FIP1L1: variants seen among roughly 807,000 people sequenced by gnomAD.
The protein encoded by FIP1L1 is factor interacting with PAPOLA and CPSF1, also known as pre-mRNA 3'-end-processing factor FIP1.
A neutral mutation model predicts 84.6 loss-of-function variants in FIP1L1; 21 were observed. That is an observed-to-expected ratio of 0.25 (90% CI 0.18 to 0.36). The LOEUF (loss-of-function observed/expected upper bound fraction) is 0.36, where lower values mean the gene tolerates loss of function less well. FIP1L1 is among the 10% of genes least tolerant of loss of function. The pLI is 1.00. For synonymous variants in FIP1L1, 263 were observed against 242.3 expected (o/e 1.09, Z -0.80); for missense variants, 526 against 751.1 (o/e 0.70, Z 3.50).
At chr4:53,417,829 T>C (rs1760519619) in intron 11 of FIP1L1, among the ~76,000 whole-genome samples, 1 of 143,518 alleles carries the variant, frequency 7.0e-6, no homozygotes, top group African/African-American at 2.6e-5. Context: ...TCAGGCTACT[T>C]TTTCTCTTTT....
At chr4:53,382,869 T>C (rs569550375) in intron 4 of FIP1L1, among the ~76,000 whole-genome samples, 15 of 152,218 alleles carry the variant, frequency 9.9e-5, no homozygotes, top group African/African-American at 3.4e-4. Context: ...TTATTTACTA[T>C]GATGTGATTA....
chr4:53,437,159 T>A (rs537004471), intron 13 of FIP1L1, among the ~76,000 whole-genome samples: 30 of 151,896 alleles, frequency 2.0e-4, no homozygotes, highest in Non-Finnish European at 3.4e-4. Flanking sequence ...AAACCCTGTC[T>A]CCACAAAAAA....
intron 11 of FIP1L1, among the ~76,000 whole-genome samples, chr4:53,421,115 T>A (rs1762239031): frequency 6.6e-6 from 1 of 152,182 alleles, no homozygotes; most frequent in African/African-American, 2.4e-5. Context: ...ATTTAGAGCC[T>A]TGATTCTGGG....
At chr4:53,391,599 C>T (rs551240543) in intron 9 of FIP1L1, 101 bp downstream of exon 9, 2 of 803,860 alleles carry the variant, frequency 2.5e-6, no homozygotes, top group African/African-American at 1.7e-5. Context: ...AAATAGCTAC[C>T]TTTTTTCCAA....
chr4:53,431,217 T>TA (rs1192866817), intron 13 of FIP1L1, among the ~76,000 whole-genome samples: 6 of 152,222 alleles, frequency 3.9e-5, no homozygotes, highest in African/African-American at 1.2e-4. Context: ...GCTGCATAGA[T>TA]ATATGCCAGC....
At chr4:53,450,169 T>C (rs1018681969) in intron 15 of FIP1L1, among the ~76,000 whole-genome samples, 15 of 152,172 alleles carry the variant, frequency 9.9e-5, no homozygotes, top group Non-Finnish European at 1.5e-5. Flanking sequence ...TCTTTTCTAA[T>C]GTAGTATTTT....
chr4:53,399,797 C>G lies in FIP1L1; in HGVS notation c.773C>G (p.Thr258Ser). 2 of 1,613,128 alleles carry G rather than the reference C, an allele frequency of 1.2e-6. No individual in the cohort carries two copies. The highest frequency in any genetic ancestry group is 2.7e-5 in the African/African-American group (2 of 74,828). Reference protein sequence around the residue: ...TALPSTKAEFTSPPSLFKTGL... With the variant: ...TALPSTKAEFSSPPSLFKTGL... ...CTTCCATCTACAAAAGCTGAGTTTA[C>G]TTCTCCTCCTTCTTTGTTCAAGACT... The change falls in exon 10 of 18, where the codon ACT becomes AGT. Residue 258 changes from threonine to serine, a missense_variant. By Grantham distance (58) the Thr-to-Ser change is moderately conservative (BLOSUM62 1). Transcript: ENST00000337488.
chr4:53,399,057 G>A (rs1748904235), intron 9 of FIP1L1, among the ~76,000 whole-genome samples: 1 of 152,158 alleles, frequency 6.6e-6, no homozygotes, highest in Admixed American at 6.6e-5. Context: ...GGGCTGTGAG[G>A]CAAGAGAATC....
At chr4:53,414,838 G>T in intron 11 of FIP1L1, 116 bp downstream of exon 11, 1 of 652,008 alleles carries the variant, frequency 1.5e-6, no homozygotes, top group Non-Finnish European at 2.6e-6. Flanking sequence ...TCCAACTTAT[G>T]CTTTTTCAGG....
chr4:53,427,133 G>GAAAT (rs1764650511), intron 12 of FIP1L1, among the ~76,000 whole-genome samples: 1 of 152,048 alleles, frequency 6.6e-6, no homozygotes, highest in Non-Finnish European at 1.5e-5. Flanking sequence ...AATACTTTAA[G>GAAAT]AAATAGCTTA....
intron 9 of FIP1L1, among the ~76,000 whole-genome samples, chr4:53,395,865 G>A (rs1275162693): frequency 1.3e-5 from 2 of 151,444 alleles, no homozygotes; most frequent in Non-Finnish European, 2.9e-5. Flanking sequence ...CACTCATCTT[G>A]TGGATATAGA....
intron 9 of FIP1L1, among the ~76,000 whole-genome samples, chr4:53,395,874 G>C (rs555115549): frequency 4.9e-4 from 74 of 151,396 alleles, no homozygotes; most frequent in Non-Finnish European, 9.7e-4. Flanking sequence ...TGTGGATATA[G>C]ATATCACCCT....
chr4:53,406,023 T>G (rs1753213845), intron 10 of FIP1L1, among the ~76,000 whole-genome samples: 1 of 151,920 alleles, frequency 6.6e-6, no homozygotes, highest in African/African-American at 2.4e-5. Context: ...CTAATTGCCC[T>G]GGCCAGAACT....
chr4:53,412,318 T>C (rs1162976378), intron 10 of FIP1L1, among the ~76,000 whole-genome samples: 1 of 152,142 alleles, frequency 6.6e-6, no homozygotes, highest in African/African-American at 2.4e-5. Context: ...AATCTAATAG[T>C]GAATCAGTAC....
chr4:53,424,554 A>C (rs1478317277), intron 11 of FIP1L1, among the ~76,000 whole-genome samples: 2 of 152,120 alleles, frequency 1.3e-5, no homozygotes, highest in Non-Finnish European at 2.9e-5. Context: ...AAAGTTATAG[A>C]GAAGGGAAGT....
In FIP1L1 at chr4:53,460,698, C is replaced by A; in HGVS notation, c.*1249C>A. 3 of 505,852 alleles carry A rather than the reference C, an allele frequency of 5.9e-6. No individual in the cohort carries two copies. The highest frequency in any genetic ancestry group is 3.6e-5 in the East Asian group (1 of 28,062). The allele number at this position is 505,852 out of a possible 1,614,324, so 31.3% of individuals were successfully genotyped here. On this transcript the variant is annotated 3_prime_UTR_variant, in exon 18 of 18. Transcript: ENST00000337488. ...ACAATGTTGTAGAGTAATGAGAAAT[C>A]CTCCACACTGAAAAAAAACTAGTAG...
intron 13 of FIP1L1, among the ~76,000 whole-genome samples, chr4:53,429,874 C>T (rs1317728871): frequency 6.6e-6 from 1 of 152,172 alleles, no homozygotes; most frequent in Non-Finnish European, 1.5e-5. Context: ...CCATGCTGTA[C>T]AGTAGAGCTC....
chr4:53,383,372 C>T (rs1739114357), intron 4 of FIP1L1, among the ~76,000 whole-genome samples: 1 of 152,098 alleles, frequency 6.6e-6, no homozygotes, highest in African/African-American at 2.4e-5. Context: ...CAAAAAAATA[C>T]AGAGTGGGGC....
At chr4:53,394,328 C>G (rs1462177788) in intron 9 of FIP1L1, among the ~76,000 whole-genome samples, 3 of 152,148 alleles carry the variant, frequency 2.0e-5, no homozygotes, top group East Asian at 1.9e-4. Context: ...ACTCATGTAA[C>G]GGTGGGCTGC....
Sources: allele counts gnomAD v4.1 joint callset (sites outside exome capture counted in the v4.1 genomes callset), GRCh38; gene constraint gnomAD v4.1.1; transcripts MANE v1.5; gene names NCBI Gene and HGNC (gene_info 2026-07-23, HGNC 2026-07-21).